PRKD2: variants seen among roughly 807,000 people sequenced by gnomAD.
PRKD2 encodes protein kinase D2.
Under a neutral mutation model 86.0 loss-of-function variants are expected in PRKD2, and 22 were observed. That is an observed-to-expected ratio of 0.26 (90% CI 0.18 to 0.37). The LOEUF (loss-of-function observed/expected upper bound fraction) is 0.37. Ranked by LOEUF, PRKD2 falls within the 10% of genes least tolerant of loss-of-function variation. The pLI is 1.00. For synonymous variants in PRKD2, 509 were observed against 510.9 expected (o/e 1.00, Z 0.05); for missense variants, 818 against 1,199.2 (o/e 0.68, Z 4.70).
chr19:46,694,052 A>G lies in PRKD2; in HGVS notation c.1399T>C (p.Phe467Leu). 1 of 1,614,182 alleles carries G rather than the reference A, an allele frequency of 6.2e-7. No individual in the cohort carries two copies. The highest frequency in any genetic ancestry group is 2.2e-5 in the East Asian group (1 of 44,890). The change falls in exon 10 of 18, where the codon TTT becomes CTT. Residue 467 changes from phenylalanine (F) to leucine (L), a missense_variant. Physicochemically the swap from Phe to Leu is conservative, Grantham distance 22. Transcript: ENST00000291281. Reference protein sequence around the residue: ...LVPPGTNPHCFEIVTANATYF... With the variant: ...LVPPGTNPHCLEIVTANATYF... ...GTGGCATTGGCAGTGACGATCTCAA[A>G]GCAGTGTGGGTTGGTGCCCGGCGGC...
At chr19:46,696,635 G>A (rs1248927212) in intron 9 of PRKD2, among the ~76,000 whole-genome samples, 1 of 152,002 alleles carries the variant, frequency 6.6e-6, no homozygotes, top group Non-Finnish European at 1.5e-5. Flanking sequence ...GCATTCACCT[G>A]TAGTCCTAGG....
chr19:46,689,482 T>C lies in PRKD2; in HGVS notation c.1971+55A>G, dbSNP rs1011026951. Reference sequence around the variant, plus strand: ...TGACCCCCTAGGCATACAGGGCCTCTCCAAGCTGACACCTGATGGGGAGGG... The same window carrying C: ...TGACCCCCTAGGCATACAGGGCCTCCCCAAGCTGACACCTGATGGGGAGGG... On this transcript the variant is annotated intron_variant, in intron 14 of 17. Transcript: ENST00000291281. 3.2e-6 allele frequency: 5 copies of C among 1,545,670 alleles called. No individual in the cohort carries two copies. The South Asian group carries it at 3.6e-5, about 11-fold the overall frequency.
intron 3 of PRKD2, among the ~76,000 whole-genome samples, chr19:46,706,433 G>T (rs1218024350): frequency 2.0e-5 from 3 of 152,188 alleles, no homozygotes; most frequent in Non-Finnish European, 4.4e-5. Flanking sequence ...GGAGAACGGT[G>T]TTGGCCCTGC....
At chr19:46,705,717 G>A (rs1599837778) in intron 3 of PRKD2, among the ~76,000 whole-genome samples, 1 of 151,890 alleles carries the variant, frequency 6.6e-6, no homozygotes, top group East Asian at 1.9e-4. Context: ...AACCCAGGAG[G>A]CAGAGGTTGT....
chr19:46,685,134 C>G (rs189957480), intron 14 of PRKD2, among the ~76,000 whole-genome samples: 7 of 151,416 alleles, frequency 4.6e-5, no homozygotes, highest in Non-Finnish European at 1.0e-4. Context: ...TGGGACGCAC[C>G]TGTAGTCCCA....
intron 13 of PRKD2, 137 bp from the exon 14 acceptor site, chr19:46,689,835 C>T (rs1239991470): frequency 5.0e-6 from 5 of 1,000,958 alleles, no homozygotes; most frequent in Non-Finnish European, 5.9e-6. Context: ...GGGAAGGGGG[C>T]TTCCCACAGG....
intron 16 of PRKD2, among the ~76,000 whole-genome samples, chr19:46,677,708 C>T (rs2053230272): frequency 6.6e-6 from 1 of 152,162 alleles, no homozygotes; most frequent in Non-Finnish European, 1.5e-5. Flanking sequence ...CACCAAAGCC[C>T]CAGAATGCAG....
intron 1 of PRKD2, among the ~76,000 whole-genome samples, chr19:46,715,389 G>A (rs2053868622): frequency 1.3e-5 from 2 of 152,202 alleles, no homozygotes; most frequent in African/African-American, 4.8e-5. Flanking sequence ...TGCCTAGGAT[G>A]CATATTCCAA....
In PRKD2 at chr19:46,710,954, C is replaced by T. The variant is rs1312559136; in HGVS notation, c.464G>A (p.Cys155Tyr). 1.9e-6 allele frequency: 3 copies of T among 1,577,506 alleles called. No homozygotes were observed. The highest frequency in any genetic ancestry group is 2.6e-6 in the Non-Finnish European group (3 of 1,161,568). The change falls in exon 3 of 18, where the codon TGC becomes TAC. Residue 155 changes from cysteine to tyrosine, a missense_variant. By Grantham distance (194) the Cys-to-Tyr change is radical (BLOSUM62 -2). This residue lies in a region of PRKD2 where 403 missense variants were observed against 518.6 expected (regional missense o/e 0.78). Coordinates refer to ENST00000291281, the MANE Select transcript of PRKD2 (RefSeq NM_016457.5). ...CACTAGGCCGAAGAGCATCTCCCCG[C>T]AGTGATCACAGAAGGCAGGCGCCCG... ...SYRAPAFCDH[C>Y]GEMLFGLVRQ...
intron 5 of PRKD2, among the ~76,000 whole-genome samples, chr19:46,701,423 C>A (rs1368288148): frequency 6.6e-6 from 1 of 151,734 alleles, no homozygotes; most frequent in Non-Finnish European, 1.5e-5. Context: ...GAGTTCGAAA[C>A]CAGCCTGCCC....
chr19:46,709,917 C>CAG (rs1412057654), intron 3 of PRKD2, among the ~76,000 whole-genome samples: 1 of 151,440 alleles, frequency 6.6e-6, no homozygotes, highest in Admixed American at 6.6e-5. Flanking sequence ...TTTCTGTTTT[C>CAG]AGAAGGAGTC....
intron 3 of PRKD2, among the ~76,000 whole-genome samples, chr19:46,708,966 TTTGTG>T (rs1317574494): frequency 5.4e-5 from 7 of 129,352 alleles, no homozygotes; most frequent in South Asian, 2.8e-4. Context: ...GGTTGGTTTG[TTTGTG>T]GTTTTTTTTT....
Position 46,697,875 on chromosome 19 carries a change from G to A in PRKD2, c.1122-25C>T, listed in dbSNP as rs572826303. 5 of 1,568,000 alleles carry A rather than the reference G, an allele frequency of 3.2e-6. No individual in the cohort carries two copies. In the South Asian group the frequency reaches 4.4e-5, roughly 14 times the overall value. On this transcript the variant is annotated intron_variant, in intron 7 of 17. Coordinates refer to ENST00000291281, the MANE Select transcript of PRKD2 (RefSeq NM_016457.5). ...GCTGCGAAGGAAGAGGAAGGGGTGA[G>A]AAGTCACATGCAGAAAGTGACCATG...
intron 3 of PRKD2, 65 bp from the exon 4 acceptor site, chr19:46,704,714 T>A: frequency 6.6e-7 from 1 of 1,525,894 alleles, no homozygotes; most frequent in Non-Finnish European, 8.8e-7. Flanking sequence ...TCTTGAGAAG[T>A]TGTGCCCTTT....
chr19:46,709,686 T>C (rs963925413), intron 3 of PRKD2, among the ~76,000 whole-genome samples: 1 of 151,750 alleles, frequency 6.6e-6, no homozygotes, highest in African/African-American at 2.4e-5. Context: ...CTGGATGTGA[T>C]GAAAATCCAT....
At chr19:46,686,287 T>C (rs142314902) in intron 14 of PRKD2, 104 of 151,904 alleles carry the variant, frequency 6.8e-4, no homozygotes, top group African/African-American at 2.5e-3. Context: ...AGAGGACCAC[T>C]TAAGCCCAGG....
intron 9 of PRKD2, 126 bp downstream of exon 9, chr19:46,697,031 A>G (rs2053568496): frequency 6.2e-6 from 5 of 801,180 alleles, no homozygotes; most frequent in Non-Finnish European, 1.1e-5. Context: ...GGAAGCAGGG[A>G]GGCTGGGGGT....
chr19:46,679,222 C>T (rs1185771477), intron 15 of PRKD2, among the ~76,000 whole-genome samples: 1 of 152,016 alleles, frequency 6.6e-6, no homozygotes, highest in African/African-American at 2.4e-5. Flanking sequence ...CCCAGCTACT[C>T]AGGAGGCTGA....
rs200911365 is a variant in PRKD2, at chr19:46,704,696, A to AG, written c.512-48dup. On this transcript the variant is annotated intron_variant, in intron 3 of 17. Coordinates refer to ENST00000291281, the MANE Select transcript of PRKD2 (RefSeq NM_016457.5). ...AAGAGACATGGCGTCTGCCCCTCCTAGGTCTCTTCTTGAGAAGTTGTGCCC... is the reference window on the plus strand; with the variant it reads ...AAGAGACATGGCGTCTGCCCCTCCTAGGGTCTCTTCTTGAGAAGTTGTGCCC... 1.0e-3 allele frequency: 1,569 copies of AG among 1,547,302 alleles called. 20 individuals carry two copies. The African/African-American group carries it at 0.019, about 19-fold the overall frequency.
Sources: allele counts gnomAD v4.1 joint callset (sites outside exome capture counted in the v4.1 genomes callset), GRCh38; gene constraint gnomAD v4.1.1; regional missense constraint gnomAD v4.1.1; transcripts MANE v1.5; gene names NCBI Gene and HGNC (gene_info 2026-07-23, HGNC 2026-07-21).